SLC25A21: variants seen among roughly 807,000 people sequenced by gnomAD.
SLC25A21 encodes the protein mitochondrial 2-oxodicarboxylate carrier.
In SLC25A21, 47 loss-of-function variants were observed where a neutral mutation model predicts 43.8. That is an observed-to-expected ratio of 1.07 (90% confidence interval 0.85 to 1.37). The LOEUF is 1.37. Ranked by LOEUF, SLC25A21 falls within the 40% of genes most tolerant of loss-of-function variation. The pLI is 0.00. For missense variants in SLC25A21, 352 were observed against 350.2 expected (o/e 1.00, Z -0.04); for synonymous variants, 131 against 121.3 (o/e 1.08, Z -0.52).
At chr14:37,086,088 G>C (rs1297097973) in intron 1 of SLC25A21, among the ~76,000 whole-genome samples, 1 of 152,076 alleles carries the variant, frequency 6.6e-6, no homozygotes, top group Admixed American at 6.6e-5. Flanking sequence ...CTGGGCAACA[G>C]AGCGAGGCTC....
intron 1 of SLC25A21, among the ~76,000 whole-genome samples, chr14:37,129,491 G>A (rs1963356405): frequency 6.6e-6 from 1 of 151,970 alleles, no homozygotes. Context: ...GTTCCTATGT[G>A]ACCATGAAGC....
intron 1 of SLC25A21, among the ~76,000 whole-genome samples, chr14:37,109,611 G>A (rs575507372): frequency 6.6e-6 from 1 of 152,222 alleles, no homozygotes; most frequent in South Asian, 2.1e-4. Context: ...AAGTATTAAT[G>A]AATGATGTTG....
At chr14:36,955,072 ATC>A (rs1959300034) in intron 1 of SLC25A21, among the ~76,000 whole-genome samples, 3 of 152,310 alleles carry the variant, frequency 2.0e-5, no homozygotes, top group South Asian at 4.1e-4. Flanking sequence ...TCTGAAAGTT[ATC>A]TGTCTGATGT....
At chr14:36,749,999 G>A (rs1344052182) in intron 3 of SLC25A21, among the ~76,000 whole-genome samples, 5 of 152,128 alleles carry the variant, frequency 3.3e-5, no homozygotes, top group Admixed American at 3.3e-4. Flanking sequence ...GTATGGCAGG[G>A]ATTTCTGTCT....
At chr14:36,697,738 C>CTTTTTTTTTTTTTTTTTTTTT (rs757711209) in intron 7 of SLC25A21, among the ~76,000 whole-genome samples, 9 of 111,658 alleles carry the variant, frequency 8.1e-5, no homozygotes, top group East Asian at 3.4e-4. Context: ...GCAAGCCCTA[C>CTTTTTTTTTTTTTTTTTTTTT]TTTTTTTTTT....
intron 1 of SLC25A21, among the ~76,000 whole-genome samples, chr14:37,112,933 C>T (rs1726835676): frequency 1.3e-5 from 2 of 151,988 alleles, no homozygotes; most frequent in African/African-American, 4.8e-5. Flanking sequence ...TAAGCTTTTT[C>T]TACTTTGTTA....
At chr14:36,688,577 C>T (rs1882653219) in intron 7 of SLC25A21, among the ~76,000 whole-genome samples, 1 of 152,234 alleles carries the variant, frequency 6.6e-6, no homozygotes. Flanking sequence ...CGGCTGCCTG[C>T]CGCCTTCGGT....
chr14:36,981,063 G>A (rs1479547242), intron 1 of SLC25A21, among the ~76,000 whole-genome samples: 2 of 151,522 alleles, frequency 1.3e-5, no homozygotes, highest in Non-Finnish European at 2.9e-5. Flanking sequence ...AGACATTTAG[G>A]CAGCCAATAG....
chr14:36,686,812 GAC>G (rs1343954619), intron 7 of SLC25A21, among the ~76,000 whole-genome samples: 1 of 152,174 alleles, frequency 6.6e-6, no homozygotes, highest in Non-Finnish European at 1.5e-5. Flanking sequence ...GTTTGCTGAG[GAC>G]CAGAGTTGGG....
At chr14:37,167,336 C>G (rs909372084) in intron 1 of SLC25A21, among the ~76,000 whole-genome samples, 1 of 152,122 alleles carries the variant, frequency 6.6e-6, no homozygotes, top group South Asian at 2.1e-4. Flanking sequence ...ACTTGGGGCC[C>G]TTCCAAAAAC....
intron 1 of SLC25A21, among the ~76,000 whole-genome samples, chr14:37,086,580 A>T (rs955109266): frequency 3.9e-5 from 6 of 152,200 alleles, no homozygotes; most frequent in Non-Finnish European, 8.8e-5. Context: ...TTGAATCTGC[A>T]GATAGAATGC....
intron 7 of SLC25A21, among the ~76,000 whole-genome samples, chr14:36,693,620 T>G (rs1332978862): frequency 6.6e-6 from 1 of 152,070 alleles, no homozygotes; most frequent in Non-Finnish European, 1.5e-5. Flanking sequence ...ATATCACATA[T>G]CTAGTTTTTT....
rs571931687 is a variant in SLC25A21 at position 37,103,660 on chromosome 14, C to G, written c.70+68621G>C. Among the ~76,000 whole-genome samples, 31 of 152,278 alleles carry G rather than the reference C, an allele frequency of 2.0e-4. 1 individual carries two copies. The highest frequency in any genetic ancestry group is 6.8e-3 in the Middle Eastern group (2 of 294). On this transcript the variant is annotated intron_variant, in intron 1 of 9. Transcript: ENST00000331299. ...CCACTACATTCTTCTTTCTCTGCCA[C>G]TTCAAATCTCAAACCTTCTTCCCTT...
intron 1 of SLC25A21, among the ~76,000 whole-genome samples, chr14:36,958,679 G>GCGCGCACACACA (rs1399246300): frequency 4.4e-5 from 6 of 136,844 alleles, no homozygotes; most frequent in Non-Finnish European, 6.5e-5. Flanking sequence ...AAGCACACGT[G>GCGCGCACACACA]CACACACACA....
chr14:37,070,039 A>G (rs1430984950), intron 1 of SLC25A21, among the ~76,000 whole-genome samples: 1 of 152,248 alleles, frequency 6.6e-6, no homozygotes, highest in African/African-American at 2.4e-5. Flanking sequence ...CCTGTGCCCT[A>G]GAATTCACAG....
At chr14:37,155,344 A>C (rs1472531080) in intron 1 of SLC25A21, among the ~76,000 whole-genome samples, 1 of 152,238 alleles carries the variant, frequency 6.6e-6, no homozygotes, top group African/African-American at 2.4e-5. Flanking sequence ...AGGACAAAGA[A>C]ACAAAGAGAA....
chr14:37,016,281 A>C (rs1354330133), intron 1 of SLC25A21, among the ~76,000 whole-genome samples: 1 of 152,076 alleles, frequency 6.6e-6, no homozygotes, highest in Admixed American at 6.5e-5. Flanking sequence ...TTTTCCCAGC[A>C]CCATTTATTA....
intron 1 of SLC25A21, among the ~76,000 whole-genome samples, chr14:36,986,869 G>A (rs1228325939): frequency 6.6e-5 from 10 of 152,106 alleles, no homozygotes. Context: ...TCCAAGTTAA[G>A]TTGTACTAAG....
chr14:36,887,208 C>A (rs567555620), intron 1 of SLC25A21, among the ~76,000 whole-genome samples: 181 of 66,372 alleles, frequency 2.7e-3, no homozygotes, highest in Middle Eastern at 0.012. Flanking sequence ...ACATGTGTGT[C>A]TACATATATA....
Sources: allele counts gnomAD v4.1 joint callset (sites outside exome capture counted in the v4.1 genomes callset), GRCh38; gene constraint gnomAD v4.1.1; transcripts MANE v1.5; gene names NCBI Gene and HGNC (gene_info 2026-07-23, HGNC 2026-07-21).